C12orf42: variants seen among roughly 807,000 people sequenced by gnomAD.
C12orf42 encodes the protein chromosome 12 open reading frame 42.
Under a neutral mutation model 21.6 loss-of-function variants are expected in C12orf42, and 25 were observed. The observed-to-expected ratio is 1.16, with a 90% CI of 0.84 to 1.62. C12orf42 has a LOEUF of 1.62. C12orf42 is among the 40% of genes most tolerant of loss of function. The pLI is 0.00. For missense variants in C12orf42, 483 were observed against 459.3 expected (o/e 1.05, Z -0.47); for synonymous variants, 174 against 175.0 (o/e 0.99, Z 0.05).
At chr12:103,061,161 A>G in the C12orf42 span, among the ~76,000 whole-genome samples, 146 of 152,062 alleles carry the variant, frequency 9.6e-4, no homozygotes, top group Non-Finnish European at 1.7e-3. Context: ...TGGTTGGTGG[A>G]GGTAGGAGTG....
chr12:103,455,860 A>C (rs1952255331), intron 2 of C12orf42, among the ~76,000 whole-genome samples: 1 of 152,114 alleles, frequency 6.6e-6, no homozygotes, highest in African/African-American at 2.4e-5. Flanking sequence ...CCAAGGATAA[A>C]TTTCACTTAC....
the C12orf42 span, among the ~76,000 whole-genome samples, chr12:103,163,631 G>A: frequency 6.6e-6 from 1 of 152,146 alleles, no homozygotes; most frequent in Non-Finnish European, 1.5e-5. Flanking sequence ...GACCTTCTAT[G>A]TTTCTGGCAT....
the C12orf42 span, among the ~76,000 whole-genome samples, chr12:103,515,476 C>T: frequency 2.6e-4 from 40 of 152,284 alleles, no homozygotes; most frequent in African/African-American, 7.9e-4. Flanking sequence ...AGGAAAATTC[C>T]TTTGAAAACC....
At chr12:103,480,490 C>T (rs1300026936) in intron 1 of C12orf42, among the ~76,000 whole-genome samples, 1 of 151,264 alleles carries the variant, frequency 6.6e-6, no homozygotes, top group Non-Finnish European at 1.5e-5. Context: ...CTTTCCTATA[C>T]ATTTTGGGGG....
At chr12:103,148,441 T>G in the C12orf42 span, among the ~76,000 whole-genome samples, 60 of 152,076 alleles carry the variant, frequency 3.9e-4, no homozygotes, top group Non-Finnish European at 7.2e-4. Flanking sequence ...ATGGTCTAGC[T>G]TGGCCCACAC....
chr12:103,311,497 C>G (rs183821988), intron 4 of C12orf42, among the ~76,000 whole-genome samples: 3 of 152,110 alleles, frequency 2.0e-5, no homozygotes, highest in Non-Finnish European at 4.4e-5. Context: ...CTACAACTAC[C>G]AGGTTGCCTA....
the C12orf42 span, among the ~76,000 whole-genome samples, chr12:103,069,574 T>A: frequency 7.9e-5 from 12 of 152,136 alleles, no homozygotes; most frequent in African/African-American, 2.9e-4. Context: ...GCAAAATGGT[T>A]TTATGGATAA....
chr12:103,548,957 T>G, the C12orf42 span: 2 of 152,196 alleles, frequency 1.3e-5, no homozygotes, highest in Non-Finnish European at 2.9e-5. Context: ...GAAAATGTCA[T>G]GACCCGAGCT....
chr12:103,354,637 G>A (rs2043367292), intron 4 of C12orf42, among the ~76,000 whole-genome samples: 1 of 152,122 alleles, frequency 6.6e-6, no homozygotes, highest in South Asian at 2.1e-4. Context: ...TTGTTAGATT[G>A]GTAAATGCAT....
At chr12:103,505,560 TG>T in the C12orf42 span, 1 of 363,374 alleles carries the variant, frequency 2.8e-6, no homozygotes, top group Non-Finnish European at 5.1e-6. Flanking sequence ...CACATCTGAA[TG>T]CTGTGAGTCA....
At chr12:103,338,949 TTC>T (rs1248315101) in intron 4 of C12orf42, among the ~76,000 whole-genome samples, 1 of 152,204 alleles carries the variant, frequency 6.6e-6, no homozygotes. Flanking sequence ...TATCTTGATC[TTC>T]TCCTAAAGAT....
chr12:103,270,625 T>A (rs999622719), intron 5 of C12orf42, among the ~76,000 whole-genome samples: 13 of 151,038 alleles, frequency 8.6e-5, no homozygotes, highest in Non-Finnish European at 1.9e-4. Flanking sequence ...ATGTGCACAA[T>A]GTGCAGGTTA....
At chr12:103,050,164 G>A in the C12orf42 span, among the ~76,000 whole-genome samples, 4 of 151,994 alleles carry the variant, frequency 2.6e-5, no homozygotes, top group Non-Finnish European at 2.9e-5. Flanking sequence ...CACAAGTTTA[G>A]CACTGTGCCT....
chr12:103,403,387 A>G (rs1173560739), intron 2 of C12orf42, among the ~76,000 whole-genome samples: 3 of 152,104 alleles, frequency 2.0e-5, no homozygotes, highest in Admixed American at 6.5e-5. Flanking sequence ...AAAAAAAAAA[A>G]AAAAGAAAAA....
chr12:103,490,454 A>G (rs1209586398), intron 1 of C12orf42, among the ~76,000 whole-genome samples: 1 of 152,016 alleles, frequency 6.6e-6, no homozygotes, highest in East Asian at 1.9e-4. Context: ...TGCATTTTGT[A>G]TTTATTTGGT....
the C12orf42 span, among the ~76,000 whole-genome samples, chr12:103,150,243 CA>C: frequency 6.6e-6 from 1 of 152,066 alleles, no homozygotes; most frequent in Non-Finnish European, 1.5e-5. Flanking sequence ...TTATGTTAGG[CA>C]CTAGGGATAC....
chr12:103,554,375 C>G, the C12orf42 span, among the ~76,000 whole-genome samples: 2 of 152,122 alleles, frequency 1.3e-5, no homozygotes, highest in Non-Finnish European at 2.9e-5. Context: ...AAGGTTTGTG[C>G]TAGTCAGCCA....
the C12orf42 span, among the ~76,000 whole-genome samples, chr12:103,174,031 T>C: frequency 3.3e-5 from 5 of 152,202 alleles, no homozygotes; most frequent in Non-Finnish European, 7.4e-5. Context: ...GACTTACAGA[T>C]CGCTGCTCAT....
At chr12:103,471,142 G>A (rs1222985857) in intron 2 of C12orf42, among the ~76,000 whole-genome samples, 1 of 152,070 alleles carries the variant, frequency 6.6e-6, no homozygotes, top group African/African-American at 2.4e-5. Flanking sequence ...TCAACTTGTG[G>A]GCTACCAGTG....
Sources: gnomAD v4.1 joint callset for allele counts (sites outside exome capture counted in the v4.1 genomes callset) on GRCh38, gnomAD v4.1.1 for gene constraint, MANE v1.5 for transcripts, NCBI Gene and HGNC (gene_info 2026-07-23, HGNC 2026-07-21) for gene names.